Variants in MUC5AC observed in about 807,000 individuals in gnomAD.
MUC5AC encodes mucin-5AC.
Under a neutral mutation model 169.7 loss-of-function variants are expected in MUC5AC, and 158 were observed. The observed-to-expected ratio is 0.93, with a 90% confidence interval of 0.82 to 1.06. The LOEUF (loss-of-function observed/expected upper bound fraction) is 1.06. Among genes scored for constraint, MUC5AC ranks in the 50% least tolerant of loss-of-function variants. The pLI, the probability that MUC5AC is intolerant of heterozygous loss-of-function variation, is 0.00. For synonymous variants in MUC5AC, 1,975 were observed against 1,237.0 expected (o/e 1.60, Z -12.52); for missense variants, 4,359 against 3,089.9 (o/e 1.41, Z -9.74).
At chr11:1,160,495 C>A in intron 1 of MUC5AC, 117 bp from the exon 2 acceptor site, 1 of 815,688 alleles carries the variant, frequency 1.2e-6, no homozygotes, top group South Asian at 1.6e-5. Context: ...TTGCCACGGG[C>A]CACCCCCACG....
chr11:1,159,041 G>T (rs1402008938), intron 1 of MUC5AC, among the ~76,000 whole-genome samples: 1 of 150,844 alleles, frequency 6.6e-6, no homozygotes, highest in East Asian at 2.0e-4. Context: ...GCTGGGGTCT[G>T]CGGGGGCTTA....
chr11:1,194,956 G>A (rs1025669773), intron 35 of MUC5AC, 56 bp from the exon 36 acceptor site: 4 of 662,976 alleles, frequency 6.0e-6, no homozygotes, highest in Non-Finnish European at 1.1e-5. Flanking sequence ...CCCAGCTGGG[G>A]GTGGGGCCAG....
At chr11:1,171,489 TCACTCACCC>T (rs1860533656) in intron 15 of MUC5AC, among the ~76,000 whole-genome samples, 1 of 94,682 alleles carries the variant, frequency 1.1e-5, no homozygotes, top group Non-Finnish European at 2.2e-5. Flanking sequence ...ACTCACCCAC[TCACTCACCC>T]ATTCACCCAT....
chr11:1,193,577 G>T lies in MUC5AC; in HGVS notation c.14673G>T (p.Val4891=). 1.3e-6 allele frequency: 1 copy of T among 764,942 alleles called. No individual in the cohort carries two copies. Among genetic ancestry groups the T allele is most frequent in the South Asian group, 1.3e-5 (1 of 74,594 alleles). 47.4% of individuals were successfully genotyped at this position (764,942 alleles called of 1,614,324 possible). The change falls in exon 33 of 49, where the codon GTG becomes GTT. Residue 4891 remains valine (V), a synonymous_variant. Transcript: ENST00000621226. ...TGCGCCCGCGCACGTGCCCGAGGGT[G>T]GAGAAGCCCACTTGTGCCAACGGCT... ...ISLRPRTCPR[V]EKPTCANGYP...
chr11:1,196,558 G>A, intron 38 of MUC5AC, 59 bp from the exon 39 acceptor site: 2 of 763,764 alleles, frequency 2.6e-6, no homozygotes, highest in Non-Finnish European at 4.8e-6. Flanking sequence ...CCACTCCCAG[G>A]CTGGGGTCCT....
At chr11:1,174,352 T>A (rs1466108730) in intron 16 of MUC5AC, 144 bp from the exon 17 acceptor site, 4 of 565,506 alleles carry the variant, frequency 7.1e-6, no homozygotes, top group Non-Finnish European at 9.4e-6. Context: ...GCAGGATGCC[T>A]GTGAGGACTC....
chr11:1,168,084 C>G (rs1344105865), intron 12 of MUC5AC, 97 bp downstream of exon 12: 3 of 1,062,608 alleles, frequency 2.8e-6, no homozygotes, highest in Non-Finnish European at 4.2e-6. Flanking sequence ...CTGGCATGAA[C>G]AGCGAGAGGC....
intron 15 of MUC5AC, among the ~76,000 whole-genome samples, chr11:1,171,044 CG>C (rs1860504886): frequency 7.9e-6 from 1 of 126,744 alleles, no homozygotes; most frequent in Non-Finnish European, 1.7e-5. Flanking sequence ...ACCCACTCAC[CG>C]ACTCACCCAT....
Position 1,190,339 on chromosome 11 carries a change from C to T in MUC5AC, c.12194C>T (p.Thr4065Ile). 1 of 660,496 alleles carries T rather than the reference C, an allele frequency of 1.5e-6. No homozygotes were observed. The highest frequency in any genetic ancestry group is 2.7e-6 in the Non-Finnish European group (1 of 365,904). 40.9% of individuals were successfully genotyped at this position (660,496 alleles called of 1,614,324 possible). The change falls in exon 31 of 49, where the codon ACA becomes ATA. Residue 4065 changes from threonine (T) to isoleucine (I), a missense_variant. By Grantham distance (89) the Thr-to-Ile change is moderately conservative. Transcript: ENST00000621226. ...KGCPVTSTPV[T>I]APSTPSGRAT... Reference sequence around the variant, plus strand: ...TGCCCCGTGACCTCCACACCTGTGACAGCTCCTAGCACCCCTAGTGGGAGA... The same window carrying T: ...TGCCCCGTGACCTCCACACCTGTGATAGCTCCTAGCACCCCTAGTGGGAGA...
At chr11:1,195,553 C>T (rs1303400595) in intron 36 of MUC5AC, among the ~76,000 whole-genome samples, 1 of 152,036 alleles carries the variant, frequency 6.6e-6, no homozygotes, top group Non-Finnish European at 1.5e-5. Context: ...CTCTGAGGCT[C>T]TCTGCTGGCT....
At position 1,192,464 on chromosome 11, in the gene MUC5AC, C is replaced by A. The variant is rs1251584702; in HGVS notation, c.14319C>A (p.Ser4773Arg). 1 of 765,016 alleles carries A rather than the reference C, an allele frequency of 1.3e-6. No individual in the cohort carries two copies. The highest frequency in any genetic ancestry group is 1.7e-5 in the African/African-American group (1 of 59,154). The allele number at this position is 765,016 out of a possible 1,614,324, so 47.4% of individuals were successfully genotyped here. ...TSVASSSVAS[S>R]SVAYSTQTCF... ...TGGCATCCAGCTCTGTGGCATCCAG[C>A]TCTGTGGCTTACTCCACCCAAACCT... Residue 4773 changes from serine (S) to arginine (R), a missense_variant, in exon 31 of 49, where the codon AGC (serine) becomes AGA (arginine). Transcript: ENST00000621226.
intron 1 of MUC5AC, among the ~76,000 whole-genome samples, chr11:1,160,410 G>A (rs1860103570): frequency 6.6e-6 from 1 of 152,010 alleles, no homozygotes; most frequent in Non-Finnish European, 1.5e-5. Context: ...GCTCCTGGAG[G>A]GTCTGGGCTC....
At position 1,187,984 on chromosome 11, in the gene MUC5AC, G is replaced by A. The variant is rs1554928430; in HGVS notation, c.9839G>A (p.Ser3280Asn). ...QCRAESHPEVSIEHLGQVVQC... is the reference protein window; with the variant it reads ...QCRAESHPEVNIEHLGQVVQC... ...CGAGCCGAGAGCCACCCGGAGGTGA[G>A]CATTGAACACCTGGGCCAGGTGGTG... The change falls in exon 31 of 49, where the codon AGC (serine) becomes AAC (asparagine). Residue 3280 changes from serine (S) to asparagine (N), a missense_variant. Physicochemically the swap from Ser to Asn is conservative, Grantham distance 46 (BLOSUM62 1). Transcript: ENST00000621226. The A allele has an allele frequency of 4.9e-5, 37 of 758,598 alleles. No homozygotes were observed. The highest frequency in any genetic ancestry group is 2.9e-4 in the African/African-American group (17 of 58,966). The allele number at this position is 758,598 out of a possible 1,614,324, so 47.0% of individuals were successfully genotyped here.
intron 30 of MUC5AC, 69 bp downstream of exon 30, chr11:1,181,528 T>C (rs989965851): frequency 5.1e-6 from 2 of 395,436 alleles, no homozygotes; most frequent in African/African-American, 4.1e-5. Context: ...CTGCCCTTGC[T>C]GGACGCTGAG....
At chr11:1,169,826 TCACC>T (rs1590138244) in intron 15 of MUC5AC, among the ~76,000 whole-genome samples, 4 of 121,030 alleles carry the variant, frequency 3.3e-5, no homozygotes, top group Admixed American at 8.4e-5. Flanking sequence ...ACTCACCCAT[TCACC>T]CACTCACTCA....
In MUC5AC at chr11:1,164,506, G is replaced by A. The variant is rs867854025; in HGVS notation, c.1103G>A (p.Cys368Tyr). Reference protein sequence around the residue: ...QEHSRACEDHCVAGCFCPEGT... With the variant: ...QEHSRACEDHYVAGCFCPEGT... ...CACTCCCGGGCCTGTGAGGACCACT[G>A]TGTGGCCGGCTGCTTCTGCCCTGAG... Residue 368 changes from cysteine (C) to tyrosine (Y), a missense_variant, in exon 9 of 49, where the codon TGT becomes TAT. Transcript: ENST00000621226. The A allele has an allele frequency of 1.9e-6, 3 of 1,611,554 alleles. No individual in the cohort carries two copies. The highest frequency in any genetic ancestry group is 2.5e-6 in the Non-Finnish European group (3 of 1,179,474).
At position 1,160,637 on chromosome 11, in the gene MUC5AC, A is replaced by G; in HGVS notation, c.99A>G (p.Glu33=). 6.2e-7 allele frequency: 1 copy of G among 1,610,240 alleles called. No individual in the cohort carries two copies. Residue 33 remains glutamate (E), a synonymous_variant, in exon 2 of 49, where the codon GAA becomes GAG. Transcript: ENST00000621226. The stretch of plus-strand genomic sequence containing the variant: ...GCCATGCCCAGGATGGCTCCTCCGA[A>G]TCCAGCTACAAGCACCACCCTGCCC... The part of the protein sequence containing the change: ...HTGHAQDGSS[E]SSYKHHPALS...
intron 16 of MUC5AC, among the ~76,000 whole-genome samples, chr11:1,173,196 G>A (rs1193971847): frequency 2.0e-5 from 3 of 146,476 alleles, no homozygotes; most frequent in South Asian, 2.2e-4. Flanking sequence ...TCACTCATCC[G>A]CTCACTCATT....
In MUC5AC at chr11:1,163,988, C is replaced by T. The variant is rs771130846; in HGVS notation, c.786C>T (p.Gly262=). The change falls in exon 7 of 49, where the codon GGC becomes GGT. Residue 262 remains glycine (G), a synonymous_variant. Coordinates refer to ENST00000621226, the MANE Select transcript of MUC5AC (RefSeq NM_001304359.2). ...AACCCCCGAGGAACTGCTCCACTGG[C>T]TTTGTAAGCCTTGGAGGGAACAGAG... The part of the protein sequence containing the change: ...VPEPPRNCST[G]FGICEELLHG... 1.9e-6 allele frequency: 3 copies of T among 1,610,166 alleles called. No individual in the cohort carries two copies. Among genetic ancestry groups the T allele is most frequent in the African/African-American group, 2.7e-5 (2 of 74,954 alleles).
Sources: allele counts gnomAD v4.1 joint callset (sites outside exome capture counted in the v4.1 genomes callset), GRCh38; gene constraint gnomAD v4.1.1; transcripts MANE v1.5; gene names NCBI Gene and HGNC (gene_info 2026-07-23, HGNC 2026-07-21).